Variants in CSMD1 observed in about 807,000 individuals in gnomAD.
The protein encoded by CSMD1 is CUB and Sushi multiple domains 1.
In CSMD1, 213 loss-of-function variants were observed where a neutral mutation model predicts 417.5. The ratio of observed to expected loss-of-function variants is 0.51; its 90% CI spans 0.46 to 0.57. The LOEUF (loss-of-function observed/expected upper bound fraction) is 0.57, where lower values mean the gene tolerates loss of function less well. CSMD1 is among the 20% of genes least tolerant of loss of function. The probability of loss-of-function intolerance (pLI) is 0.00; values close to 1 mark genes in which losing one functional copy is unlikely to be tolerated. For missense variants in CSMD1, 6,923 were observed against 4,529.7 expected, an observed-to-expected ratio of 1.53 and a Z score of -15.17; for synonymous variants, 2,862 against 1,736.8, an observed-to-expected ratio of 1.65 and a Z score of -16.11.
At chr8:3,187,496 G>A (rs1037220555) in intron 36 of CSMD1, among the ~76,000 whole-genome samples, 1 of 152,154 alleles carries the variant, frequency 6.6e-6, no homozygotes, top group Non-Finnish European at 1.5e-5. Flanking sequence ...CATGCTCAGT[G>A]TAATTTTCCC....
chr8:4,398,933 G>C (rs1184068116), intron 3 of CSMD1, among the ~76,000 whole-genome samples: 3 of 152,118 alleles, frequency 2.0e-5, no homozygotes, highest in East Asian at 1.9e-4. Flanking sequence ...AGATGCTCCA[G>C]AATATATTCT....
At chr8:4,833,228 TCA>T (rs1271601184) in intron 1 of CSMD1, among the ~76,000 whole-genome samples, 1 of 152,164 alleles carries the variant, frequency 6.6e-6, no homozygotes, top group African/African-American at 2.4e-5. Flanking sequence ...ATTAACTGAC[TCA>T]CAATTCCACA....
intron 7 of CSMD1, among the ~76,000 whole-genome samples, chr8:3,676,898 C>G (rs1405631839): frequency 6.6e-6 from 1 of 151,904 alleles, no homozygotes; most frequent in African/African-American, 2.4e-5. Flanking sequence ...CAAATTAACA[C>G]AAGAACAGAA....
chr8:3,219,430 C>A lies in CSMD1; in HGVS notation c.4497G>T (p.Glu1499Asp). The A allele has an allele frequency of 1.3e-6, 2 of 1,496,636 alleles. No homozygotes were observed. Among genetic ancestry groups the A allele is most frequent in the Non-Finnish European group, 1.8e-6 (2 of 1,123,368 alleles). 92.7% of individuals were successfully genotyped at this position (1,496,636 alleles called of 1,614,324 possible). Residue 1499 changes from glutamate to aspartate, a missense_variant, in exon 29 of 70, where the codon GAG (glutamate) becomes GAT (aspartate). Transcript: ENST00000635120. ...IALIFKSFNM[E>D]PSYDFLHIYE... The stretch of plus-strand genomic sequence containing the variant: ...AGATGTGTAGGAAGTCATAGCTGGG[C>A]TCCATGTTGAAACTAAAGAAAAGAA...
At chr8:4,151,144 A>G (rs1298091595) in intron 3 of CSMD1, among the ~76,000 whole-genome samples, 1 of 152,222 alleles carries the variant, frequency 6.6e-6, no homozygotes, top group Non-Finnish European at 1.5e-5. Flanking sequence ...CAAATACATT[A>G]GAAGAGCCAA....
chr8:3,092,553 T>A (rs1016240498), intron 47 of CSMD1, among the ~76,000 whole-genome samples: 5 of 152,204 alleles, frequency 3.3e-5, no homozygotes, highest in Non-Finnish European at 7.4e-5. Flanking sequence ...CTTTATAAGA[T>A]GAGGGCCTAA....
At position 3,105,506 on chromosome 8, in the gene CSMD1, A is replaced by C. The variant is rs557216263; in HGVS notation, c.6949+1022T>G. 1.1e-4 allele frequency among the ~76,000 whole-genome samples: 17 copies of C among 152,360 alleles called. No individual in the cohort carries two copies. In the South Asian group the frequency reaches 1.2e-3, roughly 11 times the overall value. On this transcript the variant is annotated intron_variant, in intron 46 of 69. Transcript: ENST00000635120. ...AAAGTTTTTCAAGCCTTTTTCATTC[A>C]ATGATACTTGAAAGTGGTGTCTATT...
intron 5 of CSMD1, among the ~76,000 whole-genome samples, chr8:3,942,896 T>A (rs994911311): frequency 2.0e-5 from 3 of 152,170 alleles, no homozygotes; most frequent in Non-Finnish European, 2.9e-5. Context: ...GAATACATCA[T>A]TGTGATACTT....
chr8:3,306,340 C>G (rs530885088), intron 25 of CSMD1, among the ~76,000 whole-genome samples: 4 of 152,280 alleles, frequency 2.6e-5, no homozygotes, highest in Admixed American at 1.3e-4. Flanking sequence ...TGCCCAGATG[C>G]TTTTTGTATT....
chr8:3,679,363 A>C (rs944747921), intron 7 of CSMD1, among the ~76,000 whole-genome samples: 20 of 152,262 alleles, frequency 1.3e-4, no homozygotes, highest in Non-Finnish European at 2.1e-4. Context: ...ATGGAAAACA[A>C]AAAAAGGCAG....
intron 20 of CSMD1, among the ~76,000 whole-genome samples, chr8:3,360,945 C>G (rs1809122541): frequency 6.6e-6 from 1 of 151,534 alleles, no homozygotes; most frequent in African/African-American, 2.4e-5. Context: ...TTATGGAACT[C>G]TGTACCTAAA....
rs1316898450 is a variant in CSMD1 at position 3,546,897 on chromosome 8, G to T, written c.1344+28048C>A. ...ATGTTGCAAGGGAAACTGTGAAAAT[G>T]TTTCCACTGCTGCTTGAGTTTAGAT... On this transcript the variant is annotated intron_variant, in intron 10 of 69. Coordinates refer to ENST00000635120, the MANE Select transcript of CSMD1 (RefSeq NM_033225.6). Among the ~76,000 whole-genome samples, 3 of 152,220 alleles carry T rather than the reference G, an allele frequency of 2.0e-5. No individual in the cohort carries two copies. In the East Asian group the frequency reaches 5.8e-4, roughly 29 times the overall value.
intron 3 of CSMD1, among the ~76,000 whole-genome samples, chr8:4,072,204 A>G (rs897817125): frequency 6.6e-6 from 1 of 152,076 alleles, no homozygotes; most frequent in Non-Finnish European, 1.5e-5. Context: ...TTACGTATTT[A>G]TTTTTATATT....
intron 1 of CSMD1, among the ~76,000 whole-genome samples, chr8:4,899,972 T>C (rs930706471): frequency 1.1e-4 from 16 of 152,126 alleles, no homozygotes; most frequent in African/African-American, 3.9e-4. Flanking sequence ...AATAAATGGG[T>C]CTTATTTTTA....
chr8:3,726,673 G>C (rs1376830997), intron 6 of CSMD1, among the ~76,000 whole-genome samples: 2 of 152,184 alleles, frequency 1.3e-5, no homozygotes, highest in South Asian at 2.1e-4. Context: ...TCAGTCTGTA[G>C]TTCTGGTTTG....
chr8:3,621,600 T>C (rs1796245553), intron 7 of CSMD1, among the ~76,000 whole-genome samples: 1 of 152,080 alleles, frequency 6.6e-6, no homozygotes, highest in South Asian at 2.1e-4. Context: ...CTTACTTTTT[T>C]TTCTTTTTTT....
chr8:3,372,027 T>C (rs908462927), intron 18 of CSMD1, among the ~76,000 whole-genome samples: 26 of 152,232 alleles, frequency 1.7e-4, no homozygotes, highest in African/African-American at 5.8e-4. Flanking sequence ...GAATTCCAGT[T>C]GGAAAAGACA....
intron 3 of CSMD1, among the ~76,000 whole-genome samples, chr8:4,254,537 T>G (rs1017655677): frequency 6.6e-6 from 1 of 152,176 alleles, no homozygotes; most frequent in Non-Finnish European, 1.5e-5. Context: ...GTATGCTGTT[T>G]ATGAAGACTA....
intron 2 of CSMD1, among the ~76,000 whole-genome samples, chr8:4,519,878 G>C (rs1429838484): frequency 2.6e-5 from 4 of 150,956 alleles, no homozygotes; most frequent in Admixed American, 1.3e-4. Flanking sequence ...TGGTTCATGA[G>C]GAAGTGAATT....
Sources: gnomAD v4.1 joint callset for allele counts (sites outside exome capture counted in the v4.1 genomes callset) on GRCh38, gnomAD v4.1.1 for gene constraint, MANE v1.5 for transcripts, NCBI Gene and HGNC (gene_info 2026-07-23, HGNC 2026-07-21) for gene names.